FMN1: variants seen among roughly 807,000 people sequenced by gnomAD.
FMN1 encodes formin-1.
Under a neutral mutation model 132.4 loss-of-function variants are expected in FMN1, and 110 were observed. The observed-to-expected ratio is 0.83, with a 90% CI of 0.71 to 0.97. The LOEUF (loss-of-function observed/expected upper bound fraction) is 0.97, where lower values mean the gene tolerates loss of function less well. Ranked by LOEUF, FMN1 falls within the 50% of genes least tolerant of loss-of-function variation. The pLI, the probability that FMN1 is intolerant of heterozygous loss-of-function variation, is 0.00. For missense variants in FMN1, 1,792 were observed against 1,705.3 expected (o/e 1.05, Z -0.90); for synonymous variants, 722 against 651.7 (o/e 1.11, Z -1.64).
chr15:33,022,265 A>G (rs1417883356), intron 6 of FMN1, among the ~76,000 whole-genome samples: 1 of 152,204 alleles, frequency 6.6e-6, no homozygotes, highest in Non-Finnish European at 1.5e-5. Flanking sequence ...GCAGAATCCG[A>G]GAATACAGAT....
At chr15:32,793,271 ATTTC>A (rs758143181) in intron 19 of FMN1, among the ~76,000 whole-genome samples, 13 of 150,690 alleles carry the variant, frequency 8.6e-5, no homozygotes, top group East Asian at 5.8e-4. Flanking sequence ...ATTATTTGTG[ATTTC>A]TTTTTTTCTT....
intron 18 of FMN1, among the ~76,000 whole-genome samples, chr15:32,801,062 G>A (rs1177633755): frequency 1.3e-5 from 2 of 152,148 alleles, no homozygotes. Context: ...TGTGCTTCAT[G>A]GAACACCTGA....
chr15:33,070,021 T>TTTTTTC (rs2037931638), intron 5 of FMN1, among the ~76,000 whole-genome samples: 1 of 127,156 alleles, frequency 7.9e-6, no homozygotes, highest in Admixed American at 7.9e-5. Flanking sequence ...TTTTTTTTTT[T>TTTTTTC]TGAGACCGAG....
At chr15:32,875,791 G>C (rs1351464287) in intron 16 of FMN1, among the ~76,000 whole-genome samples, 1 of 152,158 alleles carries the variant, frequency 6.6e-6, no homozygotes, top group Non-Finnish European at 1.5e-5. Flanking sequence ...GGCAGAAAAA[G>C]TATTTTGATA....
intron 9 of FMN1, among the ~76,000 whole-genome samples, chr15:32,928,712 A>T (rs1171258175): frequency 6.6e-6 from 1 of 152,226 alleles, no homozygotes; most frequent in Admixed American, 6.5e-5. Context: ...TGGCATACAC[A>T]TCAATGACAA....
At chr15:32,804,434 ATTCGGGGGG>A (rs1567194300) in intron 17 of FMN1, 102 bp from the exon 18 acceptor site, 1,822 of 94,748 alleles carry the variant, frequency 0.019, 36 homozygotes, top group East Asian at 0.08. Flanking sequence ...GGAGGTCTGA[ATTCGGGGGG>A]GGGGGGGGGG....
chr15:33,074,058 A>G (rs2038103095), intron 5 of FMN1, among the ~76,000 whole-genome samples: 1 of 152,030 alleles, frequency 6.6e-6, no homozygotes, highest in African/African-American at 2.4e-5. Flanking sequence ...TTAAAGATGA[A>G]GGCATTTGAG....
chr15:32,882,117 G>A (rs2059785727), intron 16 of FMN1, among the ~76,000 whole-genome samples: 1 of 152,176 alleles, frequency 6.6e-6, no homozygotes, highest in African/African-American at 2.4e-5. Flanking sequence ...GTAGAGACAA[G>A]AGAAAGCCTG....
At chr15:32,922,114 G>A (rs2060842315) in intron 10 of FMN1, among the ~76,000 whole-genome samples, 1 of 152,144 alleles carries the variant, frequency 6.6e-6, no homozygotes, top group Non-Finnish European at 1.5e-5. Context: ...ATGTTGGGCT[G>A]CTTTACATCT....
chr15:33,010,073 A>C (rs1248059951), intron 6 of FMN1, among the ~76,000 whole-genome samples: 1 of 152,080 alleles, frequency 6.6e-6, no homozygotes, highest in Non-Finnish European at 1.5e-5. Context: ...TAGTAGAGAC[A>C]GGGTTTTACT....
intron 9 of FMN1, among the ~76,000 whole-genome samples, chr15:32,933,914 T>A (rs2061189326): frequency 6.6e-6 from 1 of 152,192 alleles, no homozygotes; most frequent in Non-Finnish European, 1.5e-5. Context: ...TATAGTTCCA[T>A]CTTTTTTTAT....
rs555870070 is a variant in FMN1, at chr15:33,086,455, A to G, written c.2043+2344T>C. ...TGTAACTATGTATTTCAAATTTTCT[A>G]TAAGGATTGTGTAGGATTTTTATAA... On this transcript the variant is annotated intron_variant, in intron 5 of 20. Coordinates refer to ENST00000616417, the MANE Select transcript of FMN1 (RefSeq NM_001277313.2). Among the ~76,000 whole-genome samples the G allele has an allele frequency of 1.0e-3, 153 of 152,130 alleles. 1 individual carries two copies. The highest frequency in any genetic ancestry group is 4.4e-3 in the South Asian group (21 of 4,814).
chr15:32,965,311 A>C (rs976570766), intron 8 of FMN1, among the ~76,000 whole-genome samples: 1 of 152,070 alleles, frequency 6.6e-6, no homozygotes, highest in African/African-American at 2.4e-5. Context: ...GAGGCAGGAG[A>C]ATTGCTTGAA....
chr15:32,863,728 C>T (rs551309046), intron 16 of FMN1, among the ~76,000 whole-genome samples: 3 of 152,248 alleles, frequency 2.0e-5, no homozygotes, highest in Non-Finnish European at 4.4e-5. Context: ...AGAACAGGAC[C>T]GTCTAGTGCA....
At chr15:33,083,767 A>G (rs2038581135) in intron 5 of FMN1, among the ~76,000 whole-genome samples, 1 of 152,174 alleles carries the variant, frequency 6.6e-6, no homozygotes, top group Non-Finnish European at 1.5e-5. Flanking sequence ...AGGCATTCTT[A>G]GTCACAGGAT....
intron 16 of FMN1, among the ~76,000 whole-genome samples, chr15:32,868,705 C>A (rs1363722462): frequency 6.6e-6 from 1 of 152,106 alleles, no homozygotes; most frequent in Admixed American, 6.6e-5. Context: ...CTCATTCACC[C>A]ACTTTCACTC....
chr15:32,883,509 CAAAAAAAAAAAAAAAA>C (rs60737133), intron 16 of FMN1, among the ~76,000 whole-genome samples: 11 of 25,922 alleles, frequency 4.2e-4, no homozygotes, highest in Admixed American at 1.0e-3. Flanking sequence ...GAACCTATCT[CAAAAAAAAAAAAAAAA>C]AAAAAAAAAA....
At chr15:32,964,357 T>TA (rs1196044016) in intron 8 of FMN1, 100 bp from the exon 9 acceptor site, 8 of 872,988 alleles carry the variant, frequency 9.2e-6, no homozygotes, top group East Asian at 2.5e-5. Flanking sequence ...TTCATTTTTC[T>TA]AAAAAAACAC....
chr15:33,035,502 T>C (rs549411759), intron 6 of FMN1, among the ~76,000 whole-genome samples: 2 of 152,284 alleles, frequency 1.3e-5, no homozygotes, highest in South Asian at 2.1e-4. Flanking sequence ...GCTCCAGTCA[T>C]GTACACCACA....
Sources: allele counts gnomAD v4.1 joint callset (sites outside exome capture counted in the v4.1 genomes callset), GRCh38; gene constraint gnomAD v4.1.1; transcripts MANE v1.5; gene names NCBI Gene and HGNC (gene_info 2026-07-23, HGNC 2026-07-21).